TACR1: variants seen among roughly 807,000 people sequenced by gnomAD.
TACR1 encodes the protein tachykinin receptor 1, also known as substance-P receptor.
TACR1 carries 25 observed loss-of-function variants against 35.8 expected under a neutral mutation model. The ratio of observed to expected loss-of-function variants is 0.70; its 90% confidence interval spans 0.51 to 0.98. The LOEUF (loss-of-function observed/expected upper bound fraction) is 0.98. TACR1 is among the 50% of genes least tolerant of loss of function. The pLI, the probability that TACR1 is intolerant of heterozygous loss-of-function variation, is 0.00. For synonymous variants in TACR1, 195 were observed against 206.7 expected, an observed-to-expected ratio of 0.94 and a Z score of 0.48; for missense variants, 478 against 522.9, an observed-to-expected ratio of 0.91 and a Z score of 0.84.
chr2:75,109,726 G>T (rs1010176523), intron 2 of TACR1, among the ~76,000 whole-genome samples: 1 of 152,098 alleles, frequency 6.6e-6, no homozygotes, highest in African/African-American at 2.4e-5. Flanking sequence ...AATAAAAACA[G>T]GATTACAACA....
intron 1 of TACR1, among the ~76,000 whole-genome samples, chr2:75,157,174 A>G (rs1572965466): frequency 6.6e-6 from 1 of 151,966 alleles, no homozygotes; most frequent in African/African-American, 2.4e-5. Flanking sequence ...AAGGAGGAGG[A>G]TGAAGAAGGA....
rs1324517378 is a variant in TACR1 at position 75,048,679 on chromosome 2, TG to T, written c.*752del. The T allele has an allele frequency of 6.6e-6, 1 of 152,202 alleles. No individual in the cohort carries two copies. Among genetic ancestry groups the T allele is most frequent in the African/African-American group, 2.4e-5 (1 of 41,448 alleles). 9.4% of individuals were successfully genotyped at this position (152,202 alleles called of 1,614,324 possible). A position where few individuals can be genotyped will look rare whatever the true frequency, so the allele number is the denominator to read the frequency against. Reference sequence around the variant, plus strand: ...CTTAGATTATCTAGTTCAGTCCCCTTGTTTACAAGTAGGAAAAGAGGGTCAA... The same window carrying T: ...CTTAGATTATCTAGTTCAGTCCCCTTTTTACAAGTAGGAAAAGAGGGTCAA... On this transcript the variant is annotated 3_prime_UTR_variant, in exon 5 of 5. Transcript: ENST00000305249.
chr2:75,094,824 T>G (rs1258451710), intron 2 of TACR1, among the ~76,000 whole-genome samples: 4 of 139,640 alleles, frequency 2.9e-5, no homozygotes, highest in Non-Finnish European at 6.0e-5. Flanking sequence ...AATTGCAAGC[T>G]GAGGAAGCAG....
At position 75,179,209 on chromosome 2, in the gene TACR1, A is replaced by G. The variant is rs553996010; in HGVS notation, c.389+19337T>C. Among the ~76,000 whole-genome samples, 48 of 152,334 alleles carry G rather than the reference A, an allele frequency of 3.2e-4. No homozygotes were observed. The South Asian group carries it at 4.6e-3, about 14-fold the overall frequency. On this transcript the variant is annotated intron_variant, in intron 1 of 4. Coordinates refer to ENST00000305249, the MANE Select transcript of TACR1 (RefSeq NM_001058.4). The stretch of plus-strand genomic sequence containing the variant: ...CCAGTTGCTCAGCATCAAACCTAGC[A>G]GTCATTCTTGACTGTGCTTTTTTCT...
At chr2:75,134,284 C>T (rs958842441) in intron 1 of TACR1, among the ~76,000 whole-genome samples, 3 of 152,192 alleles carry the variant, frequency 2.0e-5, no homozygotes, top group African/African-American at 2.4e-5. Context: ...GGGCCTGGAT[C>T]GGGATGCCTT....
At position 75,048,255 on chromosome 2, in the gene TACR1, T is replaced by G. The variant is rs988051673; in HGVS notation, c.*1177A>C. The G allele has an allele frequency of 6.6e-6, 1 of 152,180 alleles. No homozygotes were observed. The highest frequency in any genetic ancestry group is 2.4e-5 in the African/African-American group (1 of 41,438). 9.4% of individuals were successfully genotyped at this position (152,180 alleles called of 1,614,324 possible). A position where few individuals can be genotyped will look rare whatever the true frequency, so the allele number is the denominator to read the frequency against. On this transcript the variant is annotated 3_prime_UTR_variant, in exon 5 of 5. Transcript: ENST00000305249. Reference sequence around the variant, plus strand: ...TATGAGCACGATGCTAGTGTAAAACTAAGAATGAAGGTTAGGGCCCCCACC... The same window carrying G: ...TATGAGCACGATGCTAGTGTAAAACGAAGAATGAAGGTTAGGGCCCCCACC...
rs549239995 is a variant in TACR1 at position 75,105,885 on chromosome 2, G to A, written c.584+14689C>T. Among the ~76,000 whole-genome samples, 3 of 152,028 alleles carry A rather than the reference G, an allele frequency of 2.0e-5. No individual in the cohort carries two copies. In the South Asian group the frequency reaches 6.2e-4, roughly 32 times the overall value. ...ACTATCAAAGACATCACAAACAAGG[G>A]AAGTCTGAGAAACTGTCACAACCAA... On this transcript the variant is annotated intron_variant, in intron 2 of 4. Transcript: ENST00000305249.
At chr2:75,136,313 A>G (rs1157962840) in intron 1 of TACR1, among the ~76,000 whole-genome samples, 1 of 152,204 alleles carries the variant, frequency 6.6e-6, no homozygotes, top group African/African-American at 2.4e-5. Flanking sequence ...ATCAGCTCAC[A>G]GCAGAGGACG....
At chr2:75,151,012 G>T (rs1003912806) in intron 1 of TACR1, among the ~76,000 whole-genome samples, 4 of 152,326 alleles carry the variant, frequency 2.6e-5, no homozygotes, top group Middle Eastern at 3.4e-3. Context: ...GAACTTGAAA[G>T]AGCTGATTTA....
chr2:75,142,459 G>A (rs1674427908), intron 1 of TACR1, among the ~76,000 whole-genome samples: 1 of 152,174 alleles, frequency 6.6e-6, no homozygotes. Flanking sequence ...CTTCAGTTAA[G>A]TCTCTGAAAA....
intron 1 of TACR1, among the ~76,000 whole-genome samples, chr2:75,163,868 C>T (rs1012390302): frequency 6.6e-6 from 1 of 151,982 alleles, no homozygotes; most frequent in African/African-American, 2.4e-5. Context: ...ATTTAAGTTT[C>T]TTCATGTTAG....
Position 75,120,612 on chromosome 2 carries a change from G to T in TACR1, c.546C>A (p.Ile182=). The stretch of plus-strand genomic sequence containing the variant: ...TCTTGTTCGGATGCTCTGGCCATTC[G>T]ATCATGCACACGACTCTGCTGGGCA... The part of the protein sequence containing the change: ...ETMPSRVVCM[I]EWPEHPNKIY... Residue 182 remains isoleucine (I), a synonymous_variant, in exon 2 of 5, where the codon ATC becomes ATA. Coordinates refer to ENST00000305249, the MANE Select transcript of TACR1 (RefSeq NM_001058.4). 6.2e-7 allele frequency: 1 copy of T among 1,610,066 alleles called. No individual in the cohort carries two copies. The highest frequency in any genetic ancestry group is 1.1e-5 in the South Asian group (1 of 90,140).
chr2:75,150,295 C>T (rs530990596), intron 1 of TACR1, among the ~76,000 whole-genome samples: 1 of 152,136 alleles, frequency 6.6e-6, no homozygotes, highest in Non-Finnish European at 1.5e-5. Context: ...GAGGTAGGAA[C>T]TTTAATAAGC....
intron 1 of TACR1, among the ~76,000 whole-genome samples, chr2:75,165,349 A>C (rs969202387): frequency 6.6e-6 from 1 of 151,960 alleles, no homozygotes; most frequent in Non-Finnish European, 1.5e-5. Flanking sequence ...TCGCTCTGTC[A>C]CCCAGGCTGG....
intron 2 of TACR1, among the ~76,000 whole-genome samples, chr2:75,115,933 A>G (rs1673848121): frequency 6.8e-6 from 1 of 146,568 alleles, no homozygotes; most frequent in Non-Finnish European, 1.5e-5. Context: ...AAAAAAGAGA[A>G]GCTCTTTATG....
intron 2 of TACR1, among the ~76,000 whole-genome samples, chr2:75,064,642 A>G (rs1672731440): frequency 6.6e-6 from 1 of 152,266 alleles, no homozygotes; most frequent in African/African-American, 2.4e-5. Flanking sequence ...ACAGCCAGCA[A>G]GACATTTCCT....
chr2:75,050,631 A>C (rs1347494382), intron 4 of TACR1, among the ~76,000 whole-genome samples: 1 of 152,202 alleles, frequency 6.6e-6, no homozygotes, highest in Non-Finnish European at 1.5e-5. Context: ...GGCTTCTGCC[A>C]TCTGCAGGAT....
At chr2:75,135,865 G>A (rs1003804931) in intron 1 of TACR1, among the ~76,000 whole-genome samples, 2 of 152,084 alleles carry the variant, frequency 1.3e-5, no homozygotes, top group African/African-American at 4.8e-5. Flanking sequence ...GCTTTCCTGT[G>A]GAGGAGGAGC....
At chr2:75,173,584 A>G (rs1194906579) in intron 1 of TACR1, among the ~76,000 whole-genome samples, 1 of 152,236 alleles carries the variant, frequency 6.6e-6, no homozygotes, top group Non-Finnish European at 1.5e-5. Context: ...GGAAGAATGG[A>G]AATGACTGAA....
Sources: gnomAD v4.1 joint callset for allele counts (sites outside exome capture counted in the v4.1 genomes callset) on GRCh38, gnomAD v4.1.1 for gene constraint, MANE v1.5 for transcripts, NCBI Gene and HGNC (gene_info 2026-07-23, HGNC 2026-07-21) for gene names.